TRUB2: variants seen among roughly 807,000 people sequenced by gnomAD.
TRUB2 encodes the protein TruB pseudouridine synthase family member 2.
In TRUB2, 31 loss-of-function variants were observed where a neutral mutation model predicts 31.9. The ratio of observed to expected loss-of-function variants is 0.97; its 90% CI spans 0.73 to 1.31. TRUB2 has a LOEUF of 1.31. Ranked by LOEUF, TRUB2 falls within the 50% of genes most tolerant of loss-of-function variation. The pLI is 0.00. For missense variants in TRUB2, 451 were observed against 439.6 expected (o/e 1.03, Z -0.23); for synonymous variants, 201 against 182.6 (o/e 1.10, Z -0.81).
chr9:128,317,755 C>T (rs1043454782), intron 2 of TRUB2, among the ~76,000 whole-genome samples: 1 of 152,222 alleles, frequency 6.6e-6, no homozygotes, highest in Non-Finnish European at 1.5e-5. Context: ...CACTGAGCCT[C>T]AGTTTTCTCC....
rs768829790 is a variant in TRUB2 at position 128,310,944 on chromosome 9, G to C, written c.613C>G (p.Pro205Ala). 6.2e-7 allele frequency: 1 copy of C among 1,614,222 alleles called. No homozygotes were observed. Among genetic ancestry groups the C allele is most frequent in the African/African-American group, 1.3e-5 (1 of 75,048 alleles). ...CATCGGATGCCAGTTATCAGCATCG[G>C]GGACTTGTTCATGGGCCGGATCAGG... ...RGLIRPMNKS[P>A]MLITGIRCLY... is the part of the protein sequence containing the mutation. Residue 205 changes from proline to alanine, a missense_variant, in exon 7 of 8, where the codon CCG becomes GCG. By Grantham distance (27) the Pro-to-Ala change is conservative (BLOSUM62 -1). Coordinates refer to ENST00000372890, the MANE Select transcript of TRUB2 (RefSeq NM_015679.3).
At position 128,309,770 on chromosome 9, in the gene TRUB2, C is replaced by T. The variant is rs753214205; in HGVS notation, c.776G>A (p.Arg259His). Residue 259 changes from arginine to histidine, a missense_variant, in exon 8 of 8, where the codon CGC (arginine) becomes CAC (histidine). Physicochemically the swap from Arg to His is conservative, Grantham distance 29. Coordinates refer to ENST00000372890, the MANE Select transcript of TRUB2 (RefSeq NM_015679.3). ...TAVCTQVRRT[R>H]DGFFTLDSAL... The stretch of plus-strand genomic sequence containing the variant: ...ACTGTCTAGCGTGAAGAAGCCGTCG[C>T]GCGTGCGCCGCACTTGGGTGCAGAC... The T allele has an allele frequency of 8.1e-6, 13 of 1,614,134 alleles. No homozygotes were observed. The highest frequency in any genetic ancestry group is 2.2e-5 in the East Asian group (1 of 44,900).
intron 2 of TRUB2, 84 bp from the exon 3 acceptor site, chr9:128,317,310 G>A: frequency 7.6e-7 from 1 of 1,308,722 alleles, no homozygotes; most frequent in Non-Finnish European, 1.1e-6. Flanking sequence ...CTCGTTCTCA[G>A]AATGGGCCTC....
chr9:128,319,092 C>T (rs563558710), intron 2 of TRUB2, among the ~76,000 whole-genome samples: 4 of 151,556 alleles, frequency 2.6e-5, no homozygotes, highest in Admixed American at 6.6e-5. Flanking sequence ...TTTGGGAGGC[C>T]GAGGCGGGTG....
intron 2 of TRUB2, among the ~76,000 whole-genome samples, chr9:128,319,420 G>A (rs1054811401): frequency 2.7e-5 from 4 of 150,460 alleles, no homozygotes; most frequent in African/African-American, 7.4e-5. Flanking sequence ...GAACTCAGGA[G>A]GCAGAGGTTT....
chr9:128,316,916 C>T (rs942347120), intron 3 of TRUB2: 2 of 510,868 alleles, frequency 3.9e-6, no homozygotes, highest in East Asian at 3.3e-5. Flanking sequence ...TAAAGGGCCT[C>T]GAACTATGTC....
At chr9:128,311,999 C>G in intron 5 of TRUB2, among the ~76,000 whole-genome samples, 1 of 151,746 alleles carries the variant, frequency 6.6e-6, no homozygotes, top group East Asian at 1.9e-4. Flanking sequence ...CCACGTCCGG[C>G]TAATTTTTTA....
chr9:128,307,168 A>C lies in TRUB2; in HGVS notation c.*2382T>G, dbSNP rs1440804658. ...GCTACTTGGGTGGCTGAGGCAGGAG[A>C]ATCACTTGACCCTGGGAGGCGGAGG... On this transcript the variant is annotated 3_prime_UTR_variant, in exon 8 of 8. Transcript: ENST00000372890. 1 of 152,282 alleles carries C rather than the reference A, an allele frequency of 6.6e-6. No individual in the cohort carries two copies. Among genetic ancestry groups the C allele is most frequent in the Non-Finnish European group, 1.5e-5 (1 of 68,104 alleles). 9.4% of individuals were successfully genotyped at this position (152,282 alleles called of 1,614,324 possible).
intron 3 of TRUB2, chr9:128,316,530 C>T (rs947516595): frequency 1.3e-5 from 2 of 152,552 alleles, no homozygotes; most frequent in Non-Finnish European, 2.9e-5. Flanking sequence ...GACAGAATAA[C>T]TCTGCATTCA....
At position 128,306,489 on chromosome 9, in the gene TRUB2, C is replaced by T; in HGVS notation, c.*3061G>A. 1 of 149,286 alleles carries T rather than the reference C, an allele frequency of 6.7e-6. No homozygotes were observed. The highest frequency in any genetic ancestry group is 2.5e-5 in the African/African-American group (1 of 40,306). 9.2% of individuals were successfully genotyped at this position (149,286 alleles called of 1,614,324 possible). ...ACAGAGTCTCACTCTGTCACCTAGG[C>T]TGGAGTGCAGTGGCGCAATCTCCAC... is the stretch of plus-strand genomic sequence containing the variant. On this transcript the variant is annotated 3_prime_UTR_variant, in exon 8 of 8. Transcript: ENST00000372890.
chr9:128,321,173 TG>T (rs1324058064), intron 2 of TRUB2, among the ~76,000 whole-genome samples: 1 of 143,248 alleles, frequency 7.0e-6, no homozygotes, highest in East Asian at 2.0e-4. Flanking sequence ...ATTCAAGTTT[TG>T]CTTTTTGGAA....
intron 5 of TRUB2, 104 bp from the exon 6 acceptor site, chr9:128,311,705 G>C: frequency 7.9e-7 from 1 of 1,270,708 alleles, no homozygotes; most frequent in Non-Finnish European, 1.1e-6. Context: ...ATGGAGAGAG[G>C]ATGTTTTGGA....
rs895920853 is a variant in TRUB2 at position 128,310,978 on chromosome 9, G to T, written c.579C>A (p.Ala193=). The T allele has an allele frequency of 1.2e-6, 2 of 1,614,184 alleles. No individual in the cohort carries two copies. Among genetic ancestry groups the T allele is most frequent in the Non-Finnish European group, 1.7e-6 (2 of 1,180,034 alleles). ...TCATGGGCCGGATCAGGCCTCTCAC[G>T]GCCATCTCATAGGCCTCCTGGGTCT... ...DLKTQEAYEM[A]VRGLIRPMNK... The change falls in exon 7 of 8, where the codon GCC becomes GCA. Residue 193 remains alanine, a synonymous_variant. Coordinates refer to ENST00000372890, the MANE Select transcript of TRUB2 (RefSeq NM_015679.3).
intron 5 of TRUB2, among the ~76,000 whole-genome samples, chr9:128,313,171 C>T (rs949280846): frequency 4.0e-5 from 6 of 150,632 alleles, no homozygotes; most frequent in African/African-American, 1.2e-4. Context: ...AAGCCAAGAT[C>T]GCGCCACTGC....
chr9:128,321,704 G>A lies in TRUB2; in HGVS notation c.136C>T (p.Pro46Ser). 6.2e-7 allele frequency: 1 copy of A among 1,613,732 alleles called. No individual in the cohort carries two copies. The highest frequency in any genetic ancestry group is 8.5e-7 in the Non-Finnish European group (1 of 1,180,030). Residue 46 changes from proline to serine, a missense_variant, in exon 2 of 8, where the codon CCT becomes TCT. Pro to Ser is a moderately conservative substitution (Grantham distance 74, BLOSUM62 -1). Coordinates refer to ENST00000372890, the MANE Select transcript of TRUB2 (RefSeq NM_015679.3). ...AGCAAGAAGCGAACACGCTGTTTAGGAGCGGGAGGCTTCCTGGCATTGAGA... is the reference window on the plus strand; with the variant it reads ...AGCAAGAAGCGAACACGCTGTTTAGAAGCGGGAGGCTTCCTGGCATTGAGA... The part of the protein sequence containing the change: ...KGLNARKPPA[P>S]KQRVRFLLGP...
chr9:128,320,111 T>C (rs1361738329), intron 2 of TRUB2, among the ~76,000 whole-genome samples: 1 of 151,240 alleles, frequency 6.6e-6, no homozygotes, highest in African/African-American at 2.4e-5. Flanking sequence ...AGAGACAGGG[T>C]ATCACCGTAT....
rs1831901923 is a variant in TRUB2 at position 128,308,364 on chromosome 9, T to TTG, written c.*1185_*1186insCA. On this transcript the variant is annotated 3_prime_UTR_variant, in exon 8 of 8. Coordinates refer to ENST00000372890, the MANE Select transcript of TRUB2 (RefSeq NM_015679.3). ...CTGGCTAACACGGTGCAACACCGTC[T>TTG]CTACTAAAAATACAAAAAAATTAGC... 6.6e-6 allele frequency: 1 copy of TTG among 151,352 alleles called. No homozygotes were observed. The highest frequency in any genetic ancestry group is 2.1e-4 in the South Asian group (1 of 4,798). The allele number at this position is 151,352 out of a possible 1,614,324, so 9.4% of individuals were successfully genotyped here. A position where few individuals can be genotyped will look rare whatever the true frequency, so the allele number is the denominator to read the frequency against.
chr9:128,320,786 T>C (rs563581082), intron 2 of TRUB2, among the ~76,000 whole-genome samples: 1 of 152,016 alleles, frequency 6.6e-6, no homozygotes, highest in South Asian at 2.1e-4. Context: ...TTAAATCATC[T>C]CTAGATTACC....
Position 128,321,078 on chromosome 9 carries a change from C to T in TRUB2, c.241+521G>A, listed in dbSNP as rs76181354. On this transcript the variant is annotated intron_variant, in intron 2 of 7. Coordinates refer to ENST00000372890, the MANE Select transcript of TRUB2 (RefSeq NM_015679.3). ...CTGGGATTACAGGCGTGAGCCACCA[C>T]GCCTAGCTAGATTACTTATAATGCC... Among the ~76,000 whole-genome samples the T allele has an allele frequency of 3.7e-3, 567 of 152,374 alleles. 2 individuals are homozygous for T. Among genetic ancestry groups the T allele is most frequent in the African/African-American group, 0.013 (547 of 41,594 alleles).
Sources: allele counts gnomAD v4.1 joint callset (sites outside exome capture counted in the v4.1 genomes callset), GRCh38; gene constraint gnomAD v4.1.1; transcripts MANE v1.5; gene names NCBI Gene and HGNC (gene_info 2026-07-23, HGNC 2026-07-21).